PDPK1: variants seen among roughly 807,000 people sequenced by gnomAD.
PDPK1 encodes the protein 3-phosphoinositide dependent protein kinase 1.
PDPK1 carries 7 observed loss-of-function variants against 39.8 expected under a neutral mutation model. The observed-to-expected ratio is 0.18, with a 90% CI of 0.10 to 0.33. PDPK1 has a LOEUF of 0.33. PDPK1 is among the 10% of genes least tolerant of loss of function. The probability of loss-of-function intolerance (pLI) is 1.00; values close to 1 mark genes in which losing one functional copy is unlikely to be tolerated. For missense variants in PDPK1, 182 were observed against 384.7 expected (o/e 0.47, Z 4.41); for synonymous variants, 118 against 159.1 (o/e 0.74, Z 1.95).
intron 11 of PDPK1, among the ~76,000 whole-genome samples, chr16:2,588,988 GCT>G (rs1238566414): frequency 6.6e-6 from 1 of 152,090 alleles, no homozygotes; most frequent in African/African-American, 2.4e-5. Context: ...AGAGAGTCTT[GCT>G]CTGTCGCCCA....
intron 1 of PDPK1, among the ~76,000 whole-genome samples, chr16:2,543,720 G>C (rs1434770093): frequency 2.0e-5 from 3 of 152,078 alleles, no homozygotes; most frequent in Non-Finnish European, 4.4e-5. Context: ...TGGGTTTTTT[G>C]TTATTTGTTT....
intron 10 of PDPK1, among the ~76,000 whole-genome samples, chr16:2,585,996 G>T (rs943435795): frequency 9.2e-5 from 14 of 152,222 alleles, no homozygotes; most frequent in Admixed American, 9.2e-4. Flanking sequence ...CTTGCCCAGG[G>T]ACTCTCTGGC....
chr16:2,588,449 C>G (rs554678096), intron 11 of PDPK1, among the ~76,000 whole-genome samples: 2 of 152,260 alleles, frequency 1.3e-5, no homozygotes, highest in East Asian at 3.9e-4. Flanking sequence ...GGAGCGCTCT[C>G]TCTGCAGATC....
chr16:2,541,010 C>T (rs1340237867), intron 1 of PDPK1, among the ~76,000 whole-genome samples: 1 of 152,058 alleles, frequency 6.6e-6, no homozygotes, highest in East Asian at 1.9e-4. Flanking sequence ...TGTGGCTGGT[C>T]TGGTGCATAG....
chr16:2,589,036 A>G (rs1240791124), intron 11 of PDPK1, among the ~76,000 whole-genome samples: 1 of 151,678 alleles, frequency 6.6e-6, no homozygotes, highest in African/African-American at 2.4e-5. Flanking sequence ...TGCTCACACA[A>G]CCTCCGCCTC....
At chr16:2,594,756 G>A (rs190964805) in intron 11 of PDPK1, among the ~76,000 whole-genome samples, 8 of 152,228 alleles carry the variant, frequency 5.3e-5, no homozygotes, top group Admixed American at 2.6e-4. Flanking sequence ...CGAGGCAGGC[G>A]GATCACTTGA....
At chr16:2,540,792 A>G (rs1294843193) in intron 1 of PDPK1, among the ~76,000 whole-genome samples, 10 of 152,140 alleles carry the variant, frequency 6.6e-5, no homozygotes, top group Non-Finnish European at 8.8e-5. Flanking sequence ...GTGAGGCTTG[A>G]AATCCTCCCT....
At chr16:2,550,122 G>A (rs1176210611) in intron 1 of PDPK1, among the ~76,000 whole-genome samples, 2 of 147,336 alleles carry the variant, frequency 1.4e-5, no homozygotes, top group East Asian at 2.1e-4. Flanking sequence ...AAAGGATGCC[G>A]ATGGTACCCA....
chr16:2,588,735 G>A (rs1359726724), intron 11 of PDPK1, among the ~76,000 whole-genome samples: 3 of 152,118 alleles, frequency 2.0e-5, no homozygotes, highest in Non-Finnish European at 4.4e-5. Context: ...CTGCTGGGAG[G>A]TCTGTCCAGC....
chr16:2,595,201 C>G (rs938851650), intron 11 of PDPK1, among the ~76,000 whole-genome samples: 11 of 152,156 alleles, frequency 7.2e-5, no homozygotes, highest in African/African-American at 2.7e-4. Context: ...ATTAAAGCCT[C>G]TATGTGAATC....
chr16:2,595,080 GC>G (rs1266735764), intron 11 of PDPK1, among the ~76,000 whole-genome samples: 2 of 152,004 alleles, frequency 1.3e-5, no homozygotes, highest in African/African-American at 4.8e-5. Flanking sequence ...CTATGGTGGC[GC>G]CACTGCTCTC....
chr16:2,597,076 C>A lies in PDPK1; in HGVS notation c.1402-47C>A, dbSNP rs73492136. On this transcript the variant is annotated intron_variant, in intron 12 of 13. Coordinates refer to ENST00000342085, the MANE Select transcript of PDPK1 (RefSeq NM_002613.5). The surrounding 1 kb of genome is among the most constrained non-coding windows in gnomAD (Gnocchi z 6.3). ...CAGCCCTCTAGGCTCCAGGAGATGC[C>A]GTCAGCACTGGCCTCTGAGGCCTGT... The A allele has an allele frequency of 3.9e-3, 5,741 of 1,487,968 alleles. 167 individuals carry two copies. The African/African-American group carries it at 0.067, about 17-fold the overall frequency. 92.2% of individuals were successfully genotyped at this position (1,487,968 alleles called of 1,614,324 possible).
chr16:2,558,010 G>C (rs1368353260), intron 2 of PDPK1, 47 bp downstream of exon 2: 2 of 1,601,452 alleles, frequency 1.2e-6, no homozygotes, highest in Non-Finnish European at 1.7e-6. Flanking sequence ...GATTTCCTTG[G>C]GGAGGCTCAC....
chr16:2,592,775 T>C (rs1280749801), intron 11 of PDPK1: 2 of 455,324 alleles, frequency 4.4e-6, no homozygotes, highest in Admixed American at 2.3e-5. Context: ...CGCTGTGCTC[T>C]AGATGCCGCC....
intron 11 of PDPK1, among the ~76,000 whole-genome samples, chr16:2,595,422 C>A (rs1279536156): frequency 6.6e-6 from 1 of 152,126 alleles, no homozygotes; most frequent in Non-Finnish European, 1.5e-5. Context: ...GGGCAGCCAC[C>A]TTTCGGGAGG....
chr16:2,544,816 C>T (rs1425808653), intron 1 of PDPK1, among the ~76,000 whole-genome samples: 1 of 152,072 alleles, frequency 6.6e-6, no homozygotes, highest in Admixed American at 6.5e-5. Context: ...GATCTCCTGA[C>T]CTCGTGATCC....
chr16:2,577,961 T>A (rs1237753354), intron 7 of PDPK1, among the ~76,000 whole-genome samples: 1 of 148,038 alleles, frequency 6.8e-6, no homozygotes, highest in African/African-American at 2.6e-5. Flanking sequence ...ATGGTCTCGA[T>A]CTCTTGAGCT....
In PDPK1 at chr16:2,600,277, T is replaced by G. The variant is rs1321166857; in HGVS notation, c.*2510T>G. On this transcript the variant is annotated 3_prime_UTR_variant, in exon 14 of 14. Transcript: ENST00000342085. ...GATGAGGAAGATTTCACCTGCTGTTTAATAGACTTGGGGCCATGTGCCTCC... is the reference window on the plus strand; with the variant it reads ...GATGAGGAAGATTTCACCTGCTGTTGAATAGACTTGGGGCCATGTGCCTCC... 1 of 233,420 alleles carries G rather than the reference T, an allele frequency of 4.3e-6. No individual in the cohort carries two copies. The highest frequency in any genetic ancestry group is 8.5e-6 in the Non-Finnish European group (1 of 118,204). The allele number at this position is 233,420 out of a possible 1,614,324, so 14.5% of individuals were successfully genotyped here.
chr16:2,585,693 G>A (rs547770884), intron 10 of PDPK1, among the ~76,000 whole-genome samples: 58 of 152,340 alleles, frequency 3.8e-4, no homozygotes, highest in South Asian at 1.9e-3. Flanking sequence ...AGCGTCGGGC[G>A]TTTCCACCAT....
Sources: allele counts gnomAD v4.1 joint callset (sites outside exome capture counted in the v4.1 genomes callset), GRCh38; gene constraint gnomAD v4.1.1; non-coding constraint Gnocchi (gnomAD v3.1); transcripts MANE v1.5; gene names NCBI Gene and HGNC (gene_info 2026-07-23, HGNC 2026-07-21).